The following ATF2 variants were observed in gnomAD, a reference collection of about 807,000 sequenced individuals.
ATF2 encodes the protein cyclic AMP-dependent transcription factor ATF-2.
A neutral mutation model predicts 60.6 loss-of-function variants in ATF2; 24 were observed. The ratio of observed to expected loss-of-function variants is 0.40; its 90% CI spans 0.29 to 0.56. ATF2 has a LOEUF of 0.56. Among genes scored for constraint, ATF2 ranks in the 20% least tolerant of loss-of-function variants. The pLI is 0.54. For missense variants in ATF2, 433 were observed against 607.7 expected (o/e 0.71, Z 3.02); for synonymous variants, 206 against 215.4 (o/e 0.96, Z 0.38).
chr2:175,132,977 T>C (rs939496312), intron 3 of ATF2, among the ~76,000 whole-genome samples: 1 of 151,846 alleles, frequency 6.6e-6, no homozygotes, highest in Non-Finnish European at 1.5e-5. Flanking sequence ...TCCCAGCTAC[T>C]TGAGAGAGGC....
intron 4 of ATF2, among the ~76,000 whole-genome samples, chr2:175,128,496 G>A (rs1188457689): frequency 9.7e-5 from 14 of 144,468 alleles, no homozygotes; most frequent in South Asian, 2.1e-4. Flanking sequence ...GCGAAATTCC[G>A]TCTCAAAAAA....
chr2:175,162,207 G>A (rs1574516517), intron 1 of ATF2, among the ~76,000 whole-genome samples: 1 of 152,288 alleles, frequency 6.6e-6, no homozygotes, highest in African/African-American at 2.4e-5. Context: ...CAGAAAATAT[G>A]AAATACACAA....
At chr2:175,126,385 G>T (rs928516829) in intron 4 of ATF2, among the ~76,000 whole-genome samples, 1 of 151,994 alleles carries the variant, frequency 6.6e-6, no homozygotes. Flanking sequence ...GGGAATTATG[G>T]ATAAGACAAA....
chr2:175,090,624 A>G (rs1153684), intron 12 of ATF2, among the ~76,000 whole-genome samples: 15,141 of 152,160 alleles, frequency 0.1, 853 homozygotes, highest in Middle Eastern at 0.17. Context: ...TTAATGGTCA[A>G]AAATACTGGT....
chr2:175,138,915 A>G (rs534192282), intron 2 of ATF2, among the ~76,000 whole-genome samples: 15 of 152,334 alleles, frequency 9.8e-5, no homozygotes, highest in African/African-American at 3.4e-4. Context: ...TGAGCTTTTG[A>G]GTCAGAACTG....
intron 5 of ATF2, among the ~76,000 whole-genome samples, chr2:175,120,031 A>G (rs916317245): frequency 1.3e-5 from 2 of 151,672 alleles, no homozygotes; most frequent in African/African-American, 4.8e-5. Context: ...TCAACATGTT[A>G]GTGAAAAAAA....
At chr2:175,115,406 T>C (rs1434454246) in intron 7 of ATF2, among the ~76,000 whole-genome samples, 1 of 152,192 alleles carries the variant, frequency 6.6e-6, no homozygotes, top group Non-Finnish European at 1.5e-5. Flanking sequence ...AAAGGCCACG[T>C]AATACTGATA....
At chr2:175,141,851 C>T (rs1020577008) in intron 2 of ATF2, among the ~76,000 whole-genome samples, 4 of 152,088 alleles carry the variant, frequency 2.6e-5, no homozygotes, top group African/African-American at 9.7e-5. Context: ...ATGCTATCTA[C>T]ATGTGTTACT....
rs1700491344 is a variant in ATF2 at position 175,168,066 on chromosome 2, T to C, written c.-159A>G. ...GTTACTCACCTTTCCAGGTCACTAG[T>C]TCATGATCCTTTCGGTCACCCGCGA... On this transcript the variant is annotated 5_prime_UTR_variant, in exon 1 of 14. Coordinates refer to ENST00000264110, the MANE Select transcript of ATF2 (RefSeq NM_001880.4). 4.9e-6 allele frequency: 1 copy of C among 203,718 alleles called. No homozygotes were observed. Among genetic ancestry groups the C allele is most frequent in the African/African-American group, 2.3e-5 (1 of 43,490 alleles). The allele number at this position is 203,718 out of a possible 1,614,324, so 12.6% of individuals were successfully genotyped here. A position where few individuals can be genotyped will look rare whatever the true frequency, so the allele number is the denominator to read the frequency against.
chr2:175,104,198 C>T (rs373422609), intron 10 of ATF2, among the ~76,000 whole-genome samples: 1 of 152,134 alleles, frequency 6.6e-6, no homozygotes, highest in African/African-American at 2.4e-5. Flanking sequence ...ACAAAGTAAA[C>T]TTCTCTTTAG....
intron 4 of ATF2, among the ~76,000 whole-genome samples, chr2:175,123,850 AAAC>A (rs576127165): frequency 7.9e-5 from 12 of 152,000 alleles, no homozygotes; most frequent in Non-Finnish European, 1.6e-4. Context: ...CAAAATACAA[AAAC>A]ACTGCAAAAG....
chr2:175,103,360 T>C (rs1695430693), intron 10 of ATF2, among the ~76,000 whole-genome samples: 1 of 152,182 alleles, frequency 6.6e-6, no homozygotes, highest in African/African-American at 2.4e-5. Context: ...ATCATTATTG[T>C]GGTCTTTGCA....
intron 10 of ATF2, among the ~76,000 whole-genome samples, chr2:175,108,491 C>T (rs60793087): frequency 0.036 from 5,296 of 148,462 alleles, 279 homozygotes; most frequent in African/African-American, 0.13. Flanking sequence ...CGGCCAGCCG[C>T]CCCTTCCGGG....
At chr2:175,085,665 T>C (rs1404286922) in intron 12 of ATF2, among the ~76,000 whole-genome samples, 1 of 151,798 alleles carries the variant, frequency 6.6e-6, no homozygotes, top group East Asian at 1.9e-4. Flanking sequence ...ATTTCAAACT[T>C]AACGGTTGGT....
At chr2:175,085,599 A>C (rs10176852) in intron 12 of ATF2, among the ~76,000 whole-genome samples, 1,789 of 110,330 alleles carry the variant, frequency 0.016, 24 homozygotes, top group East Asian at 0.042. Flanking sequence ...CACACACACA[A>C]ATTCTCTCTT....
At chr2:175,110,100 G>A (rs962920387) in intron 10 of ATF2, among the ~76,000 whole-genome samples, 10 of 152,148 alleles carry the variant, frequency 6.6e-5, no homozygotes, top group Non-Finnish European at 1.2e-4. Context: ...ACTTTGGGAG[G>A]CTGGGGAGGG....
chr2:175,142,720 A>AGAGAGTGTGTGT (rs1491359659), intron 2 of ATF2, among the ~76,000 whole-genome samples: 5 of 71,098 alleles, frequency 7.0e-5, no homozygotes, highest in African/African-American at 1.9e-4. Context: ...AGAGAGAGAG[A>AGAGAGTGTGTGT]GTGTGTGTGT....
intron 3 of ATF2, 124 bp downstream of exon 3, chr2:175,136,284 CTAAG>C (rs940074103): frequency 7.3e-5 from 64 of 874,528 alleles, no homozygotes; most frequent in Middle Eastern, 2.9e-4. Flanking sequence ...AAACTACATA[CTAAG>C]TAAGTGACTT....
rs1692995204 is a variant in ATF2, at chr2:175,072,342, G to A, written c.*2267C>T. The A allele has an allele frequency of 6.6e-6, 1 of 152,090 alleles. No homozygotes were observed. The highest frequency in any genetic ancestry group is 6.6e-5 in the Admixed American group (1 of 15,248). 9.4% of individuals were successfully genotyped at this position (152,090 alleles called of 1,614,324 possible). On this transcript the variant is annotated 3_prime_UTR_variant, in exon 14 of 14. Transcript: ENST00000264110. ...AAAATAGTACAGTTTGTGTAACATTGCAAATATAAGGACTGAAAATGCTAG... is the reference window on the plus strand; with the variant it reads ...AAAATAGTACAGTTTGTGTAACATTACAAATATAAGGACTGAAAATGCTAG...
Sources: gnomAD v4.1 joint callset for allele counts (sites outside exome capture counted in the v4.1 genomes callset) on GRCh38, gnomAD v4.1.1 for gene constraint, MANE v1.5 for transcripts, NCBI Gene and HGNC (gene_info 2026-07-23, HGNC 2026-07-21) for gene names.